The following MYO1B variants were observed in gnomAD, a reference collection of about 807,000 sequenced individuals.
MYO1B encodes the protein myosin IB, also known as unconventional myosin-Ib.
A neutral mutation model predicts 159.7 loss-of-function variants in MYO1B; 72 were observed. That is an observed-to-expected ratio of 0.45 (90% CI 0.37 to 0.55). MYO1B has a LOEUF of 0.55. Among genes scored for constraint, MYO1B ranks in the 20% least tolerant of loss-of-function variants. The pLI is 0.00. For missense variants in MYO1B, 1,062 were observed against 1,364.8 expected, an observed-to-expected ratio of 0.78 and a Z score of 3.50; for synonymous variants, 468 against 473.8, an observed-to-expected ratio of 0.99 and a Z score of 0.16.
chr2:191,320,588 T>G (rs1690644836), intron 3 of MYO1B, among the ~76,000 whole-genome samples: 1 of 152,114 alleles, frequency 6.6e-6, no homozygotes, highest in Non-Finnish European at 1.5e-5. Context: ...TTAATTGAAT[T>G]TTGCAGCCAC....
intron 25 of MYO1B, among the ~76,000 whole-genome samples, chr2:191,408,727 A>G (rs1697081285): frequency 6.6e-6 from 1 of 152,238 alleles, no homozygotes; most frequent in South Asian, 2.1e-4. Flanking sequence ...CTTAAAATGT[A>G]AATATAAATA....
intron 2 of MYO1B, among the ~76,000 whole-genome samples, chr2:191,280,828 G>T (rs529390642): frequency 1.9e-4 from 29 of 152,298 alleles, no homozygotes; most frequent in African/African-American, 6.7e-4. Flanking sequence ...GTTCTGTAAT[G>T]AAGTGGCTTT....
At chr2:191,394,725 A>C (rs1235695760) in intron 20 of MYO1B, among the ~76,000 whole-genome samples, 1 of 152,204 alleles carries the variant, frequency 6.6e-6, no homozygotes, top group East Asian at 1.9e-4. Flanking sequence ...ATGAGAAAGA[A>C]CAGGCAATGC....
intron 25 of MYO1B, among the ~76,000 whole-genome samples, chr2:191,408,612 G>A (rs1697072809): frequency 6.6e-6 from 1 of 152,194 alleles, no homozygotes; most frequent in Non-Finnish European, 1.5e-5. Context: ...ATCTTTCAGA[G>A]AGGTGTATGT....
At chr2:191,383,545 C>CAT (rs1366840747) in intron 15 of MYO1B, among the ~76,000 whole-genome samples, 2 of 22,028 alleles carry the variant, frequency 9.1e-5, no homozygotes, top group Middle Eastern at 0.023. Context: ...CACACACACA[C>CAT]ACATATATAT....
intron 4 of MYO1B, among the ~76,000 whole-genome samples, chr2:191,341,202 T>C (rs1193530784): frequency 1.3e-5 from 2 of 151,938 alleles, no homozygotes; most frequent in Admixed American, 6.6e-5. Flanking sequence ...TGATATTTTG[T>C]TGGTCATGTT....
At chr2:191,250,896 T>C (rs1686071425) in intron 1 of MYO1B, among the ~76,000 whole-genome samples, 1 of 152,172 alleles carries the variant, frequency 6.6e-6, no homozygotes, top group South Asian at 2.1e-4. Flanking sequence ...CTTTGATGCT[T>C]TGGTCACTTT....
At chr2:191,303,888 G>A (rs1335248483) in intron 3 of MYO1B, among the ~76,000 whole-genome samples, 1 of 152,158 alleles carries the variant, frequency 6.6e-6, no homozygotes, top group African/African-American at 2.4e-5. Flanking sequence ...CAGTTTAGAT[G>A]CCTTAAATAA....
intron 30 of MYO1B, among the ~76,000 whole-genome samples, chr2:191,420,051 A>C (rs1435644725): frequency 1.3e-5 from 2 of 152,046 alleles, no homozygotes; most frequent in Admixed American, 6.5e-5. Context: ...AAAATTAAAA[A>C]ATTAGCCAGC....
intron 2 of MYO1B, among the ~76,000 whole-genome samples, chr2:191,281,031 C>A (rs760171678): frequency 6.6e-6 from 1 of 152,144 alleles, no homozygotes; most frequent in East Asian, 1.9e-4. Flanking sequence ...GAAATTTTGC[C>A]GAAATGTTTA....
chr2:191,322,332 C>T (rs2125897369), intron 3 of MYO1B, among the ~76,000 whole-genome samples: 1 of 152,260 alleles, frequency 6.6e-6, no homozygotes, highest in Non-Finnish European at 1.5e-5. Context: ...AAGTTCAGTC[C>T]TTTTCCTTCC....
intron 2 of MYO1B, among the ~76,000 whole-genome samples, chr2:191,287,625 G>C (rs1688454870): frequency 6.6e-6 from 1 of 152,054 alleles, no homozygotes; most frequent in South Asian, 2.1e-4. Flanking sequence ...CTAATTTGGA[G>C]CCAAGACTTA....
chr2:191,409,211 CT>C, intron 26 of MYO1B, 33 bp downstream of exon 26: 2 of 1,587,388 alleles, frequency 1.3e-6, no homozygotes, highest in Non-Finnish European at 1.7e-6. Context: ...TTTTCGGAGA[CT>C]TTCTTATTTA....
Position 191,328,760 on chromosome 2 carries a change from T to C in MYO1B, c.252-1175T>C, listed in dbSNP as rs1574438815. Among the ~76,000 whole-genome samples, 3 of 152,308 alleles carry C rather than the reference T, an allele frequency of 2.0e-5. No homozygotes were observed. The Middle Eastern group carries it at 0.01, about 518-fold the overall frequency. ...AGCTACATCGAACTGCACATAATCCTTCACCCCACCTCCATGATGTTTTGG... is the reference window on the plus strand; with the variant it reads ...AGCTACATCGAACTGCACATAATCCCTCACCCCACCTCCATGATGTTTTGG... On this transcript the variant is annotated intron_variant, in intron 3 of 30. Transcript: ENST00000392318.
chr2:191,276,946 T>C lies in MYO1B; in HGVS notation c.51T>C (p.Val17=). 1 of 1,614,028 alleles carries C rather than the reference T, an allele frequency of 6.2e-7. No individual in the cohort carries two copies. Among genetic ancestry groups the C allele is most frequent in the Non-Finnish European group, 8.5e-7 (1 of 1,179,982 alleles). ...CACTTCTGGACAATATGATTGGAGT[T>C]GGGGATATGGTTCTTTTAGAACCTC... ...KTSLLDNMIG[V]GDMVLLEPLN... The change falls in exon 2 of 31, where the codon GTT becomes GTC. Residue 17 remains valine, a synonymous_variant. Transcript: ENST00000392318.
At position 191,402,688 on chromosome 2, in the gene MYO1B, T is replaced by A. The variant is rs1696686155; in HGVS notation, c.2526T>A (p.Ala842=). ...KEEARRKHAV[A]VIWAYWLGLK... ...AGGCTAGGCGTAAGCATGCAGTTGC[T>A]GTCATTTGGGCTTACTGGCTTGGAC... The change falls in exon 24 of 31, where the codon GCT becomes GCA. Residue 842 remains alanine (A), a synonymous_variant. Transcript: ENST00000392318. The A allele has an allele frequency of 6.2e-7, 1 of 1,613,580 alleles. No homozygotes were observed. Among genetic ancestry groups the A allele is most frequent in the Admixed American group, 1.7e-5 (1 of 59,978 alleles).
intron 4 of MYO1B, among the ~76,000 whole-genome samples, chr2:191,340,164 C>T (rs1010391700): frequency 3.3e-5 from 5 of 152,072 alleles, no homozygotes; most frequent in Non-Finnish European, 5.9e-5. Flanking sequence ...GTCCCAGTTA[C>T]GGAACATTAG....
At chr2:191,416,515 G>A (rs1337366753) in intron 30 of MYO1B, 2 of 379,066 alleles carry the variant, frequency 5.3e-6, no homozygotes, top group African/African-American at 4.2e-5. Context: ...GAAAAAAAGG[G>A]TTAAGAGTCA....
chr2:191,363,268 A>C (rs1279192148), intron 9 of MYO1B, among the ~76,000 whole-genome samples: 1 of 152,194 alleles, frequency 6.6e-6, no homozygotes, highest in Non-Finnish European at 1.5e-5. Flanking sequence ...GGCACTCCGT[A>C]AAAATTTATG....
Sources: allele counts gnomAD v4.1 joint callset (sites outside exome capture counted in the v4.1 genomes callset), GRCh38; gene constraint gnomAD v4.1.1; transcripts MANE v1.5; gene names NCBI Gene and HGNC (gene_info 2026-07-23, HGNC 2026-07-21).